The following FMN2 variants were observed in gnomAD, a reference collection of about 807,000 sequenced individuals.
FMN2 encodes formin 2.
Under a neutral mutation model 142.3 loss-of-function variants are expected in FMN2, and 51 were observed. That is an observed-to-expected ratio of 0.36 (90% CI 0.29 to 0.45). The LOEUF (loss-of-function observed/expected upper bound fraction) is 0.45, where lower values mean the gene tolerates loss of function less well. FMN2 is among the 20% of genes least tolerant of loss of function. The pLI is 1.00. For synonymous variants in FMN2, 882 were observed against 869.8 expected, an observed-to-expected ratio of 1.01 and a Z score of -0.25; for missense variants, 1,936 against 2,122.8, an observed-to-expected ratio of 0.91 and a Z score of 1.73.
At chr1:240,222,553 G>A (rs537150319) in intron 6 of FMN2, among the ~76,000 whole-genome samples, 14 of 151,836 alleles carry the variant, frequency 9.2e-5, no homozygotes, top group African/African-American at 2.4e-4. Context: ...CTTGATGGGG[G>A]TAGCATTGAA....
At chr1:240,343,595 G>T (rs1671811213) in intron 13 of FMN2, among the ~76,000 whole-genome samples, 1 of 152,142 alleles carries the variant, frequency 6.6e-6, no homozygotes, top group Non-Finnish European at 1.5e-5. Flanking sequence ...CTATCTAATT[G>T]GTTAGAACAG....
intron 1 of FMN2, among the ~76,000 whole-genome samples, chr1:240,120,595 A>G (rs1030726181): frequency 2.0e-5 from 3 of 152,218 alleles, no homozygotes; most frequent in African/African-American, 7.2e-5. Flanking sequence ...GCAAGTTTAT[A>G]TGTCAGTGAG....
At chr1:240,255,717 G>T (rs892873399) in intron 6 of FMN2, among the ~76,000 whole-genome samples, 3 of 152,086 alleles carry the variant, frequency 2.0e-5, no homozygotes, top group Non-Finnish European at 2.9e-5. Context: ...GCTGGCTGGT[G>T]GTGTTGGGGT....
intron 6 of FMN2, among the ~76,000 whole-genome samples, chr1:240,228,854 T>C (rs1441534807): frequency 6.6e-6 from 1 of 152,088 alleles, no homozygotes; most frequent in Non-Finnish European, 1.5e-5. Context: ...AAGCATAATA[T>C]AGTTTTATAG....
At chr1:240,299,910 C>T (rs139255543) in intron 8 of FMN2, among the ~76,000 whole-genome samples, 31 of 152,208 alleles carry the variant, frequency 2.0e-4, no homozygotes, top group East Asian at 5.8e-4. Flanking sequence ...TGCATTTTTA[C>T]GCAAGACTAG....
chr1:240,464,416 T>C (rs1676546806), intron 16 of FMN2, among the ~76,000 whole-genome samples: 1 of 152,134 alleles, frequency 6.6e-6, no homozygotes, highest in South Asian at 2.1e-4. Flanking sequence ...TAAATGATCC[T>C]CTCAGCTCTT....
chr1:240,143,587 GCA>G, intron 2 of FMN2: 1 of 1,606,416 alleles, frequency 6.2e-7, no homozygotes, highest in East Asian at 2.2e-5. Flanking sequence ...GCCTGCCTAT[GCA>G]CACACATCTA....
intron 7 of FMN2, among the ~76,000 whole-genome samples, chr1:240,276,659 C>A (rs919426359): frequency 1.3e-5 from 2 of 151,892 alleles, no homozygotes; most frequent in South Asian, 2.1e-4. Flanking sequence ...CAAATGACAC[C>A]CCATTTGCCA....
intron 8 of FMN2, among the ~76,000 whole-genome samples, chr1:240,296,438 C>CTTTTTTTTTTTGTTTT (rs1669986766): frequency 2.1e-5 from 1 of 46,910 alleles, no homozygotes; most frequent in African/African-American, 9.9e-5. Flanking sequence ...TCTTTGAGTG[C>CTTTTTTTTTTTGTTTT]TTTTTTTTTT....
At chr1:240,400,991 G>A (rs574896329) in intron 15 of FMN2, 1 of 152,162 alleles carries the variant, frequency 6.6e-6, no homozygotes, top group African/African-American at 2.4e-5. Flanking sequence ...CAGGTATGGT[G>A]GCATGCACCT....
chr1:240,402,523 G>C (rs1347797106), intron 15 of FMN2, among the ~76,000 whole-genome samples: 1 of 152,230 alleles, frequency 6.6e-6, no homozygotes, highest in African/African-American at 2.4e-5. Flanking sequence ...CTCATCTTCA[G>C]ATGATTTCAC....
At chr1:240,338,609 G>A (rs1671641974) in intron 13 of FMN2, among the ~76,000 whole-genome samples, 1 of 152,032 alleles carries the variant, frequency 6.6e-6, no homozygotes, top group Non-Finnish European at 1.5e-5. Flanking sequence ...ATCCCTTCCG[G>A]CACGTGGATC....
intron 15 of FMN2, among the ~76,000 whole-genome samples, chr1:240,409,288 T>C (rs924165814): frequency 1.9e-4 from 29 of 152,022 alleles, no homozygotes; most frequent in African/African-American, 6.8e-4. Flanking sequence ...ACCGCAGGCG[T>C]ACACCACCAC....
At chr1:240,172,395 GATA>G (rs1352826513) in intron 2 of FMN2, among the ~76,000 whole-genome samples, 1 of 152,144 alleles carries the variant, frequency 6.6e-6, no homozygotes, top group Non-Finnish European at 1.5e-5. Flanking sequence ...GTGTAGGTGA[GATA>G]ATGATTTTCA....
intron 2 of FMN2, chr1:240,143,646 T>G (rs1399407794): frequency 6.2e-7 from 1 of 1,610,046 alleles, no homozygotes; most frequent in Non-Finnish European, 8.5e-7. Context: ...CAACCTCCAG[T>G]GCAGCCAGGA....
intron 7 of FMN2, 30 bp downstream of exon 7, chr1:240,258,062 G>T: frequency 6.4e-7 from 1 of 1,551,310 alleles, no homozygotes; most frequent in Non-Finnish European, 8.8e-7. Context: ...TTTAGCTTCT[G>T]AATATTAAAA....
chr1:240,367,727 C>G (rs547636822), intron 14 of FMN2, among the ~76,000 whole-genome samples: 1 of 141,946 alleles, frequency 7.0e-6, no homozygotes. Flanking sequence ...GAGATCACGC[C>G]ACTGCACTCT....
At chr1:240,315,301 C>T (rs1670740539) in intron 8 of FMN2, among the ~76,000 whole-genome samples, 1 of 152,170 alleles carries the variant, frequency 6.6e-6, no homozygotes, top group South Asian at 2.1e-4. Flanking sequence ...TGGATCCTAA[C>T]TTAAAATTAT....
At chr1:240,367,838 T>TC (rs1672734830) in intron 14 of FMN2, among the ~76,000 whole-genome samples, 1 of 151,916 alleles carries the variant, frequency 6.6e-6, no homozygotes, top group Non-Finnish European at 1.5e-5. Context: ...TCCTTTATTT[T>TC]CCCAAGAAAA....
Sources: gnomAD v4.1 joint callset for allele counts (sites outside exome capture counted in the v4.1 genomes callset) on GRCh38, gnomAD v4.1.1 for gene constraint, MANE v1.5 for transcripts, NCBI Gene and HGNC (gene_info 2026-07-23, HGNC 2026-07-21) for gene names.